Variants in FBXL17 observed in about 807,000 individuals in gnomAD.
FBXL17 encodes F-box and leucine rich repeat protein 17, also known as F-box/LRR-repeat protein 17.
In FBXL17, 22 loss-of-function variants were observed where a neutral mutation model predicts 66.2. The ratio of observed to expected loss-of-function variants is 0.33; its 90% CI spans 0.24 to 0.47. FBXL17 has a LOEUF of 0.47. Ranked by LOEUF, FBXL17 falls within the 20% of genes least tolerant of loss-of-function variation. The probability of loss-of-function intolerance (pLI) is 1.00; values close to 1 mark genes in which losing one functional copy is unlikely to be tolerated. For missense variants in FBXL17, 878 were observed against 948.2 expected (o/e 0.93, Z 0.97); for synonymous variants, 474 against 400.5 (o/e 1.18, Z -2.19).
At chr5:108,243,901 G>A (rs1343841055) in intron 4 of FBXL17, among the ~76,000 whole-genome samples, 2 of 152,072 alleles carry the variant, frequency 1.3e-5, no homozygotes, top group Admixed American at 1.3e-4. Flanking sequence ...GTCTCAGAAG[G>A]GTAACATATA....
At chr5:108,367,612 C>T (rs1748747987) in intron 2 of FBXL17, among the ~76,000 whole-genome samples, 1 of 152,006 alleles carries the variant, frequency 6.6e-6, no homozygotes, top group African/African-American at 2.4e-5. Context: ...TAAAAAGCAA[C>T]CCTAAATTAC....
chr5:108,057,397 T>G (rs769001178), intron 6 of FBXL17, among the ~76,000 whole-genome samples: 9 of 152,182 alleles, frequency 5.9e-5, no homozygotes, highest in Non-Finnish European at 1.2e-4. Flanking sequence ...TAAAGACAGT[T>G]TCCCAGAGTT....
chr5:108,182,910 C>T (rs1006267816), intron 6 of FBXL17, among the ~76,000 whole-genome samples: 8 of 152,156 alleles, frequency 5.3e-5, no homozygotes, highest in East Asian at 1.9e-4. Context: ...ACTCATACAA[C>T]GAAGTATAGA....
chr5:107,968,969 A>C (rs1177796916), intron 7 of FBXL17, among the ~76,000 whole-genome samples: 5 of 152,122 alleles, frequency 3.3e-5, no homozygotes, highest in Non-Finnish European at 7.4e-5. Context: ...AGAACTCCCC[A>C]AAATTACCCA....
At chr5:107,996,872 CAG>C (rs1159611708) in intron 7 of FBXL17, among the ~76,000 whole-genome samples, 5 of 152,166 alleles carry the variant, frequency 3.3e-5, no homozygotes, top group African/African-American at 1.2e-4. Flanking sequence ...TTTTGGAAGA[CAG>C]AATTTGATTT....
At chr5:108,090,635 T>C (rs1196191836) in intron 6 of FBXL17, among the ~76,000 whole-genome samples, 1 of 152,244 alleles carries the variant, frequency 6.6e-6, no homozygotes, top group African/African-American at 2.4e-5. Flanking sequence ...AATTTATAGG[T>C]AATTAACTAG....
chr5:107,990,341 C>T (rs1753192280), intron 7 of FBXL17, among the ~76,000 whole-genome samples: 1 of 152,096 alleles, frequency 6.6e-6, no homozygotes, highest in African/African-American at 2.4e-5. Flanking sequence ...GGCAAAAGGA[C>T]CATGTGTTTT....
intron 6 of FBXL17, among the ~76,000 whole-genome samples, chr5:108,099,283 A>AG (rs923977031): frequency 7.2e-5 from 11 of 152,346 alleles, no homozygotes; most frequent in Non-Finnish European, 1.0e-4. Context: ...AGAACATTGT[A>AG]GGGGGGCAGT....
intron 7 of FBXL17, among the ~76,000 whole-genome samples, chr5:107,930,710 C>T (rs1385903276): frequency 3.3e-5 from 5 of 152,116 alleles, no homozygotes; most frequent in Non-Finnish European, 7.4e-5. Flanking sequence ...TAGCAGGTTC[C>T]TTAAGTTCTT....
intron 6 of FBXL17, among the ~76,000 whole-genome samples, chr5:108,177,369 T>C (rs1431518567): frequency 1.3e-5 from 2 of 152,204 alleles, no homozygotes; most frequent in Admixed American, 1.3e-4. Flanking sequence ...CAACTTGATA[T>C]ATGCAGTAAA....
intron 6 of FBXL17, among the ~76,000 whole-genome samples, chr5:108,176,126 A>G (rs1054547295): frequency 2.0e-5 from 3 of 152,208 alleles, no homozygotes; most frequent in Non-Finnish European, 4.4e-5. Context: ...CAATAAATGA[A>G]GATTTTCTTC....
At chr5:108,341,351 T>A (rs1247509574) in intron 4 of FBXL17, among the ~76,000 whole-genome samples, 1 of 152,116 alleles carries the variant, frequency 6.6e-6, no homozygotes, top group African/African-American at 2.4e-5. Context: ...AAATATTTTT[T>A]AAAGCATTTT....
chr5:107,995,104 G>A (rs548413445), intron 7 of FBXL17, among the ~76,000 whole-genome samples: 1 of 152,036 alleles, frequency 6.6e-6, no homozygotes, highest in Non-Finnish European at 1.5e-5. Flanking sequence ...CTTATGATAG[G>A]TGTGCAATTT....
At chr5:108,353,651 C>A (rs1416507783) in intron 3 of FBXL17, among the ~76,000 whole-genome samples, 1 of 152,144 alleles carries the variant, frequency 6.6e-6, no homozygotes, top group African/African-American at 2.4e-5. Context: ...GCCTAACCTT[C>A]CTAGGGGAAG....
chr5:108,001,195 A>G (rs1753708958), intron 7 of FBXL17, among the ~76,000 whole-genome samples: 1 of 152,160 alleles, frequency 6.6e-6, no homozygotes, highest in Non-Finnish European at 1.5e-5. Flanking sequence ...ATACATATAC[A>G]TATATATGTA....
chr5:108,256,157 C>A (rs1177436721), intron 4 of FBXL17, among the ~76,000 whole-genome samples: 1 of 152,126 alleles, frequency 6.6e-6, no homozygotes, highest in Non-Finnish European at 1.5e-5. Flanking sequence ...CATCTCCTGA[C>A]AAGATCACAA....
At chr5:108,055,224 T>G (rs1260912836) in intron 6 of FBXL17, among the ~76,000 whole-genome samples, 1 of 141,292 alleles carries the variant, frequency 7.1e-6, no homozygotes, top group Non-Finnish European at 1.5e-5. Context: ...TTCTCCAAGA[T>G]GACTTTTAAA....
intron 6 of FBXL17, among the ~76,000 whole-genome samples, chr5:108,102,390 T>G (rs1292201299): frequency 1.3e-5 from 2 of 152,108 alleles, no homozygotes; most frequent in Non-Finnish European, 2.9e-5. Flanking sequence ...AAACCATGAG[T>G]TTGGAAGGTA....
chr5:108,168,637 T>C (rs927058694), intron 6 of FBXL17, among the ~76,000 whole-genome samples: 2 of 152,162 alleles, frequency 1.3e-5, no homozygotes, highest in Admixed American at 6.5e-5. Context: ...TCCCAACACC[T>C]AGCTGAAGTG....
Sources: gnomAD v4.1 joint callset for allele counts (sites outside exome capture counted in the v4.1 genomes callset) on GRCh38, gnomAD v4.1.1 for gene constraint, MANE v1.5 for transcripts, NCBI Gene and HGNC (gene_info 2026-07-23, HGNC 2026-07-21) for gene names.